ANKRD17: variants seen among roughly 807,000 people sequenced by gnomAD.
The protein encoded by ANKRD17 is ankyrin repeat domain-containing protein 17.
A neutral mutation model predicts 229.7 loss-of-function variants in ANKRD17; 19 were observed. That is an observed-to-expected ratio of 0.08 (90% CI 0.06 to 0.12). ANKRD17 has a LOEUF of 0.12. Among genes scored for constraint, ANKRD17 ranks in the 10% least tolerant of loss-of-function variants. The pLI, the probability that ANKRD17 is intolerant of heterozygous loss-of-function variation, is 1.00. For missense variants in ANKRD17, 2,176 were observed against 3,176.8 expected (o/e 0.68, Z 7.57); for synonymous variants, 1,112 against 1,146.1 (o/e 0.97, Z 0.60).
chr4:73,170,386 G>A (rs1733824257), intron 2 of ANKRD17, among the ~76,000 whole-genome samples: 1 of 151,966 alleles, frequency 6.6e-6, no homozygotes, highest in Non-Finnish European at 1.5e-5. Context: ...ATCACCTACT[G>A]ACTAAAGAGC....
intron 24 of ANKRD17, among the ~76,000 whole-genome samples, chr4:73,108,522 A>G (rs2043349220): frequency 6.6e-6 from 1 of 152,194 alleles, no homozygotes; most frequent in Admixed American, 6.5e-5. Context: ...GAACATCCAG[A>G]CAGGTAGGAG....
Position 73,186,287 on chromosome 4 carries a change from C to T in ANKRD17, c.394-8754G>A, listed in dbSNP as rs185961128. On this transcript the variant is annotated intron_variant, in intron 1 of 33. Coordinates refer to ENST00000358602, the MANE Select transcript of ANKRD17 (RefSeq NM_032217.5). Reference sequence around the variant, plus strand: ...AAAGACAAAATCTTCAGTAATGTCACAGAACACTAATCCAAGTATAAGACT... The same window carrying T: ...AAAGACAAAATCTTCAGTAATGTCATAGAACACTAATCCAAGTATAAGACT... Among the ~76,000 whole-genome samples, 31 of 151,942 alleles carry T rather than the reference C, an allele frequency of 2.0e-4. 1 individual carries two copies. The highest frequency in any genetic ancestry group is 2.0e-3 in the Admixed American group (31 of 15,262).
At chr4:73,177,273 G>T in intron 2 of ANKRD17, 107 bp downstream of exon 2, 2 of 1,068,936 alleles carry the variant, frequency 1.9e-6, no homozygotes, top group Non-Finnish European at 1.3e-6. Context: ...TTTATTAATA[G>T]TATCATTCTA....
intron 1 of ANKRD17, among the ~76,000 whole-genome samples, chr4:73,221,705 A>C (rs2149210160): frequency 6.6e-6 from 1 of 152,372 alleles, no homozygotes; most frequent in South Asian, 2.1e-4. Flanking sequence ...ACTCACTAAT[A>C]GAAACAAAGT....
intron 30 of ANKRD17, among the ~76,000 whole-genome samples, chr4:73,083,627 A>G (rs1372277616): frequency 6.6e-6 from 1 of 152,186 alleles, no homozygotes; most frequent in Non-Finnish European, 1.5e-5. Flanking sequence ...ATATAGCACT[A>G]TATTCAAAAG....
chr4:73,148,812 C>T lies in ANKRD17; in HGVS notation c.1567+1G>A. ...TTTAGTGTCTTGATAGATACGGTTA[C>T]CTTGACCAAGAAGTAATGCCACCAT... On this transcript the variant is annotated splice_donor_variant, in intron 8 of 33. Transcript: ENST00000358602. LOFTEE classifies it high-confidence loss of function. 1 of 1,612,638 alleles carries T rather than the reference C, an allele frequency of 6.2e-7. No homozygotes were observed.
chr4:73,152,499 G>A (rs1403716036), intron 6 of ANKRD17, among the ~76,000 whole-genome samples: 2 of 152,028 alleles, frequency 1.3e-5, no homozygotes, highest in Non-Finnish European at 2.9e-5. Context: ...GGAAGGGAAG[G>A]GGGTCCATGG....
chr4:73,112,502 T>G, intron 24 of ANKRD17: 1 of 249,604 alleles, frequency 4.0e-6, no homozygotes, highest in Non-Finnish European at 6.4e-6. Context: ...AACAGCTACT[T>G]TTAATTTGCT....
At chr4:73,153,693 T>C (rs1731293100) in intron 6 of ANKRD17, among the ~76,000 whole-genome samples, 187 bp downstream of exon 6, 1 of 152,238 alleles carries the variant, frequency 6.6e-6, no homozygotes, top group Admixed American at 6.5e-5. Context: ...ACAATATTTA[T>C]AGTTAAATCT....
At chr4:73,084,445 G>C (rs1353159169) in intron 30 of ANKRD17, among the ~76,000 whole-genome samples, 1 of 140,650 alleles carries the variant, frequency 7.1e-6, no homozygotes, top group Non-Finnish European at 1.5e-5. Context: ...TGTTAATGCA[G>C]ATGAGATTTT....
chr4:73,252,902 A>C (rs183075101), intron 1 of ANKRD17, among the ~76,000 whole-genome samples: 1 of 152,240 alleles, frequency 6.6e-6, no homozygotes, highest in African/African-American at 2.4e-5. Context: ...GAAGAACTGG[A>C]AAGAAAACTT....
Position 73,090,693 on chromosome 4 carries a change from A to G in ANKRD17, c.6935T>C (p.Leu2312Ser). 1 of 1,614,202 alleles carries G rather than the reference A, an allele frequency of 6.2e-7. No individual in the cohort carries two copies. The highest frequency in any genetic ancestry group is 8.5e-7 in the Non-Finnish European group (1 of 1,180,024). Residue 2312 changes from leucine to serine, a missense_variant, in exon 29 of 34, where the codon TTA (leucine) becomes TCA (serine). Leu to Ser is a moderately radical substitution (Grantham distance 145). Around this residue, in one of 18 missense-constraint regions of ANKRD17, gnomAD observed 424 missense variants for 454.0 expected, o/e 0.93. Transcript: ENST00000358602. ...TSKAPGFRPPLQRPAPSPSGI... is the reference protein window; with the variant it reads ...TSKAPGFRPPSQRPAPSPSGI... ...TGAGGGACTTGGAGCAGGTCTCTGT[A>G]ATGGTGGTCTAAAACCTGGAGCTTT...
chr4:73,155,895 T>G lies in ANKRD17; in HGVS notation c.853-117A>C. The stretch of plus-strand genomic sequence containing the variant: ...TAAAAGAGCTATAAGCACACAAAAT[T>G]TATCTAACAAAACTATTTGTTGAAA... On this transcript the variant is annotated intron_variant, in intron 4 of 33. Transcript: ENST00000358602. 9 of 1,478,474 alleles carry G rather than the reference T, an allele frequency of 6.1e-6. No homozygotes were observed. The South Asian group carries it at 1.1e-4, about 18-fold the overall frequency. 91.6% of individuals were successfully genotyped at this position (1,478,474 alleles called of 1,614,324 possible).
intron 16 of ANKRD17, among the ~76,000 whole-genome samples, chr4:73,126,152 T>C (rs1326158635): frequency 1.3e-5 from 2 of 152,080 alleles, no homozygotes; most frequent in African/African-American, 4.8e-5. Flanking sequence ...CTAGAATTCA[T>C]GGAGCAGATT....
intron 16 of ANKRD17, among the ~76,000 whole-genome samples, chr4:73,129,115 A>G (rs1359066616): frequency 6.6e-6 from 1 of 152,176 alleles, no homozygotes; most frequent in Non-Finnish European, 1.5e-5. Context: ...AAGGAGATAG[A>G]TGTCCAGAGC....
intron 1 of ANKRD17, among the ~76,000 whole-genome samples, chr4:73,184,478 A>G (rs142535953): frequency 8.5e-4 from 127 of 150,190 alleles, no homozygotes; most frequent in African/African-American, 2.8e-3. Context: ...GCTGTGAGCC[A>G]AGATAGCGCC....
At position 73,258,454 on chromosome 4, in the gene ANKRD17, T is replaced by C. The variant is rs962393728; in HGVS notation, c.215A>G (p.His72Arg). Residue 72 changes from histidine to arginine, a missense_variant, in exon 1 of 34, where the codon CAC becomes CGC. His to Arg is a conservative substitution (Grantham distance 29, BLOSUM62 0). Coordinates refer to ENST00000358602, the MANE Select transcript of ANKRD17 (RefSeq NM_032217.5). ...LKKKPPQQQHHKAKRNRTCRP... is the reference protein window; with the variant it reads ...LKKKPPQQQHRKAKRNRTCRP... ...GCAAGTCCGGTTACGCTTGGCCTTGTGGTGCTGCTGCTGCGGCGGCTTCTT... is the reference window on the plus strand; with the variant it reads ...GCAAGTCCGGTTACGCTTGGCCTTGCGGTGCTGCTGCTGCGGCGGCTTCTT... The C allele has an allele frequency of 2.5e-6, 4 of 1,607,646 alleles. No homozygotes were observed. The highest frequency in any genetic ancestry group is 1.1e-5 in the South Asian group (1 of 90,804).
At chr4:73,110,597 A>T (rs1208563317) in intron 24 of ANKRD17, among the ~76,000 whole-genome samples, 1 of 152,250 alleles carries the variant, frequency 6.6e-6, no homozygotes, top group Non-Finnish European at 1.5e-5. Context: ...TCCAGCGATG[A>T]AGCCAGAATG....
intron 1 of ANKRD17, among the ~76,000 whole-genome samples, chr4:73,245,048 C>T (rs1002310296): frequency 6.6e-6 from 1 of 152,120 alleles, no homozygotes; most frequent in African/African-American, 2.4e-5. Flanking sequence ...GAAGCTTTCT[C>T]AGTGGCAAAC....
Sources: gnomAD v4.1 joint callset for allele counts (sites outside exome capture counted in the v4.1 genomes callset) on GRCh38, gnomAD v4.1.1 for gene constraint, gnomAD v4.1.1 regional missense constraint, MANE v1.5 for transcripts, NCBI Gene and HGNC (gene_info 2026-07-23, HGNC 2026-07-21) for gene names.